The following VOPP1 variants were observed in gnomAD, a reference collection of about 807,000 sequenced individuals.
VOPP1 encodes the protein VOPP1 WW domain binding protein, also known as WW domain binding protein VOPP1.
VOPP1 carries 8 observed loss-of-function variants against 23.5 expected under a neutral mutation model. The ratio of observed to expected loss-of-function variants is 0.34; its 90% confidence interval spans 0.20 to 0.61. The LOEUF is 0.61. Ranked by LOEUF, VOPP1 falls within the 20% of genes least tolerant of loss-of-function variation. The probability of loss-of-function intolerance (pLI) is 0.78; values close to 1 mark genes in which losing one functional copy is unlikely to be tolerated. For synonymous variants in VOPP1, 83 were observed against 97.3 expected (o/e 0.85, Z 0.86); for missense variants, 174 against 238.1 (o/e 0.73, Z 1.77).
In VOPP1 at chr7:55,572,261, C is replaced by A; in HGVS notation, c.54+10G>T. 2 of 1,522,972 alleles carry A rather than the reference C, an allele frequency of 1.3e-6. No individual in the cohort carries two copies. Among genetic ancestry groups the A allele is most frequent in the Non-Finnish European group, 8.7e-7 (1 of 1,145,138 alleles). 94.3% of individuals were successfully genotyped at this position (1,522,972 alleles called of 1,614,324 possible). A position where few individuals can be genotyped will look rare whatever the true frequency, so the allele number is the denominator to read the frequency against. Reference sequence around the variant, plus strand: ...CGCGCCTCCGGCAGCACCCGGTCCCCGGCCCCTACCTCCAAGAGCAGCCCG... The same window carrying A: ...CGCGCCTCCGGCAGCACCCGGTCCCAGGCCCCTACCTCCAAGAGCAGCCCG... On this transcript the variant is annotated intron_variant, in intron 1 of 4. Coordinates refer to ENST00000285279, the MANE Select transcript of VOPP1 (RefSeq NM_030796.5).
intron 4 of VOPP1, among the ~76,000 whole-genome samples, chr7:55,441,242 G>T (rs1020288899): frequency 6.6e-6 from 1 of 152,178 alleles, no homozygotes; most frequent in Non-Finnish European, 1.5e-5. Flanking sequence ...GGGGAGGAGG[G>T]AAGGGGGAGG....
At chr7:55,435,679 A>C (rs1790805668), downstream of VOPP1, among the ~76,000 whole-genome samples, 1 of 152,204 alleles carries the variant, frequency 6.6e-6, no homozygotes, top group South Asian at 2.1e-4. Context: ...CCCAGGCTGC[A>C]GCTCCCCAGA....
intron 4 of VOPP1, among the ~76,000 whole-genome samples, chr7:55,457,793 T>C (rs1279076306): frequency 6.6e-6 from 1 of 152,120 alleles, no homozygotes; most frequent in African/African-American, 2.4e-5. Flanking sequence ...TGCCTACTTT[T>C]TAAAAGGGAT....
At chr7:55,439,802 G>C (rs1015528180) in intron 4 of VOPP1, among the ~76,000 whole-genome samples, 2 of 152,220 alleles carry the variant, frequency 1.3e-5, no homozygotes, top group African/African-American at 4.8e-5. Context: ...GAGGTGCTGG[G>C]ATTGAAGGCA....
At chr7:55,547,053 T>C (rs1022447759) in intron 1 of VOPP1, among the ~76,000 whole-genome samples, 2 of 152,212 alleles carry the variant, frequency 1.3e-5, no homozygotes, top group African/African-American at 4.8e-5. Flanking sequence ...CAGAAGGCCA[T>C]GCAATTTGTA....
intron 4 of VOPP1, among the ~76,000 whole-genome samples, chr7:55,488,844 C>T (rs1478000321): frequency 6.6e-6 from 1 of 152,248 alleles, no homozygotes; most frequent in Non-Finnish European, 1.5e-5. Flanking sequence ...TGTGCAGATG[C>T]CTGCACACCT....
At chr7:55,556,541 G>A (rs1258584319) in intron 1 of VOPP1, among the ~76,000 whole-genome samples, 1 of 152,048 alleles carries the variant, frequency 6.6e-6, no homozygotes, top group Non-Finnish European at 1.5e-5. Flanking sequence ...GAACCTCAAA[G>A]AGAAAAATGC....
At chr7:55,537,713 A>G in intron 1 of VOPP1, 1 of 1,424,230 alleles carries the variant, frequency 7.0e-7, no homozygotes, top group Non-Finnish European at 9.2e-7. Context: ...GGACGCTACA[A>G]GGATTCAAGA....
intron 1 of VOPP1, among the ~76,000 whole-genome samples, chr7:55,569,926 T>C: frequency 6.6e-6 from 1 of 152,172 alleles, no homozygotes. Flanking sequence ...AGGCCACCCC[T>C]TAATTTCAGG....
chr7:55,481,087 G>A (rs1792672815), intron 4 of VOPP1, among the ~76,000 whole-genome samples: 1 of 152,234 alleles, frequency 6.6e-6, no homozygotes, highest in African/African-American at 2.4e-5. Flanking sequence ...GAACTGTTGG[G>A]CAGAAGGGGC....
chr7:55,547,013 G>A (rs971034270), intron 1 of VOPP1, among the ~76,000 whole-genome samples: 5 of 152,222 alleles, frequency 3.3e-5, no homozygotes, highest in African/African-American at 7.2e-5. Context: ...CAGCTCTCTC[G>A]ACCCACATTC....
At chr7:55,469,823 C>T (rs1312389402), downstream of VOPP1, among the ~76,000 whole-genome samples, 1 of 152,218 alleles carries the variant, frequency 6.6e-6, no homozygotes, top group African/African-American at 2.4e-5. Flanking sequence ...GGGATGGACA[C>T]AGTTGTGATC....
At chr7:55,444,376 A>C (rs940576340) in intron 4 of VOPP1, among the ~76,000 whole-genome samples, 3 of 152,232 alleles carry the variant, frequency 2.0e-5, no homozygotes, top group Admixed American at 2.0e-4. Flanking sequence ...TGCCCAACCC[A>C]GTACATTCTT....
At chr7:55,490,429 G>T (rs1477619891) in intron 4 of VOPP1, among the ~76,000 whole-genome samples, 1 of 152,152 alleles carries the variant, frequency 6.6e-6, no homozygotes, top group African/African-American at 2.4e-5. Context: ...ACCCTGGCAT[G>T]CCAGGGTTCA....
chr7:55,504,318 G>C (rs548502184), intron 2 of VOPP1, among the ~76,000 whole-genome samples: 1 of 152,248 alleles, frequency 6.6e-6, no homozygotes, highest in Non-Finnish European at 1.5e-5. Flanking sequence ...TTTAGAAGCA[G>C]GAAGTACATT....
chr7:55,468,288 A>G (rs1371156691), downstream of VOPP1, among the ~76,000 whole-genome samples: 1 of 150,742 alleles, frequency 6.6e-6, no homozygotes, highest in Non-Finnish European at 1.5e-5. Context: ...AAAAAAAAAA[A>G]GAAAAAAAAA....
chr7:55,497,850 G>A (rs1794085882), intron 2 of VOPP1, among the ~76,000 whole-genome samples, 160 bp from the exon 3 acceptor site: 1 of 152,256 alleles, frequency 6.6e-6, no homozygotes, highest in Non-Finnish European at 1.5e-5. Flanking sequence ...AGAACCAGCA[G>A]AGCAGAATGA....
At chr7:55,564,504 T>A (rs1798100115) in intron 1 of VOPP1, among the ~76,000 whole-genome samples, 1 of 152,202 alleles carries the variant, frequency 6.6e-6, no homozygotes, top group Non-Finnish European at 1.5e-5. Context: ...GAGATGGCTA[T>A]GGACCCTTTT....
At chr7:55,452,421 T>C (rs1312632027) in intron 4 of VOPP1, among the ~76,000 whole-genome samples, 4 of 152,216 alleles carry the variant, frequency 2.6e-5, no homozygotes, top group African/African-American at 9.6e-5. Flanking sequence ...CTCCTGTTAA[T>C]GTTGGTATTT....
Sources: gnomAD v4.1 joint callset for allele counts (sites outside exome capture counted in the v4.1 genomes callset) on GRCh38, gnomAD v4.1.1 for gene constraint, MANE v1.5 for transcripts, NCBI Gene and HGNC (gene_info 2026-07-23, HGNC 2026-07-21) for gene names.